Variants in CNTNAP3 observed in about 807,000 individuals in gnomAD.
The protein encoded by CNTNAP3 is contactin-associated protein-like 3.
In CNTNAP3, 36 loss-of-function variants were observed where a neutral mutation model predicts 92.1. That is an observed-to-expected ratio of 0.39 (90% CI 0.30 to 0.52). The LOEUF (loss-of-function observed/expected upper bound fraction) is 0.52, where lower values mean the gene tolerates loss of function less well. Among genes scored for constraint, CNTNAP3 ranks in the 20% least tolerant of loss-of-function variants. The pLI, the probability that CNTNAP3 is intolerant of heterozygous loss-of-function variation, is 0.76. For synonymous variants in CNTNAP3, 232 were observed against 422.3 expected, an observed-to-expected ratio of 0.55 and a Z score of 5.53; for missense variants, 534 against 1,069.6, an observed-to-expected ratio of 0.50 and a Z score of 6.98.
chr9:39,107,382 G>T (rs1156484609), intron 15 of CNTNAP3, among the ~76,000 whole-genome samples: 1 of 144,270 alleles, frequency 6.9e-6, no homozygotes, highest in African/African-American at 2.6e-5. Flanking sequence ...GGGAGAGAAA[G>T]AGGGAGGGAG....
At position 39,132,932 on chromosome 9, in the gene CNTNAP3, C is replaced by T; in HGVS notation, c.2080G>A (p.Asp694Asn). Residue 694 changes from aspartate to asparagine, a missense_variant and splice_region_variant, in exon 13 of 24, where the codon GAT (aspartate) becomes AAT (asparagine). Physicochemically the swap from Asp to Asn is conservative, Grantham distance 23. Coordinates refer to ENST00000297668, the MANE Select transcript of CNTNAP3 (RefSeq NM_033655.5). ...CGTARRPDSR[D>N]GTPLSWWVGR... is the part of the protein sequence containing the mutation. ...TGTAGCCTCCAGGAGTGGCGCTTACCTCGTGAGTCCGGGCGCCGCGCCGTC... is the reference window on the plus strand; with the variant it reads ...TGTAGCCTCCAGGAGTGGCGCTTACTTCGTGAGTCCGGGCGCCGCGCCGTC... 6.5e-7 allele frequency: 1 copy of T among 1,544,140 alleles called. No individual in the cohort carries two copies. The highest frequency in any genetic ancestry group is 8.7e-7 in the Non-Finnish European group (1 of 1,154,788).
intron 21 of CNTNAP3, 48 bp from the exon 22 acceptor site, chr9:39,078,968 G>C (rs1235965889): frequency 1.4e-6 from 2 of 1,423,018 alleles, no homozygotes; most frequent in South Asian, 2.6e-5. Flanking sequence ...GGCGGAGATG[G>C]GGGCGCAGGC....
At chr9:39,127,428 G>C (rs555719397) in intron 13 of CNTNAP3, among the ~76,000 whole-genome samples, 23 of 151,986 alleles carry the variant, frequency 1.5e-4, no homozygotes, top group Middle Eastern at 3.4e-3. Flanking sequence ...ACAAAGAGAA[G>C]AGCAGATTTC....
chr9:39,121,145 AAC>A (rs1428749774), intron 13 of CNTNAP3, among the ~76,000 whole-genome samples: 1 of 150,854 alleles, frequency 6.6e-6, no homozygotes, highest in Non-Finnish European at 1.5e-5. Context: ...GAAAAAAAAT[AAC>A]ACAACGAGAA....
chr9:39,135,309 G>A (rs894095798), intron 12 of CNTNAP3, among the ~76,000 whole-genome samples: 1 of 151,850 alleles, frequency 6.6e-6, no homozygotes, highest in Non-Finnish European at 1.5e-5. Context: ...GTCTCCCTCT[G>A]TTGCCCAGCT....
At chr9:39,115,693 T>G (rs1411037012) in intron 14 of CNTNAP3, among the ~76,000 whole-genome samples, 1 of 151,962 alleles carries the variant, frequency 6.6e-6, no homozygotes, top group Non-Finnish European at 1.5e-5. Context: ...TCTCCTAAAT[T>G]TTTTTCCAAA....
rs561574968 is a variant in CNTNAP3 at position 39,113,936 on chromosome 9, C to T, written c.2237+4167G>A. Among the ~76,000 whole-genome samples, 310 of 151,200 alleles carry T rather than the reference C, an allele frequency of 2.1e-3. 2 individuals carry two copies. Among genetic ancestry groups the T allele is most frequent in the African/African-American group, 7.3e-3 (300 of 41,168 alleles). ...TTCCACTGTTTTGGGTGTCAATTTG[C>T]CTTTGCATATTTGTTAATTCTCTCT... On this transcript the variant is annotated intron_variant, in intron 14 of 23. Transcript: ENST00000297668.
At chr9:39,099,647 AT>A (rs1295939140) in intron 18 of CNTNAP3, among the ~76,000 whole-genome samples, 1 of 152,190 alleles carries the variant, frequency 6.6e-6, no homozygotes, top group Non-Finnish European at 1.5e-5. Flanking sequence ...AAACCAAATT[AT>A]TTCAAGAGGA....
chr9:39,140,439 C>A lies in CNTNAP3; in HGVS notation c.1876+80G>T. 2.6e-6 allele frequency: 4 copies of A among 1,566,664 alleles called. No individual in the cohort carries two copies. In the South Asian group the frequency reaches 4.8e-5, roughly 19 times the overall value. ...TTAGCAAGTACACACTATCAAACTG[C>A]ATGTTTTAATAATGCTGCCAACTAG... On this transcript the variant is annotated intron_variant, in intron 12 of 23. Transcript: ENST00000297668.
At chr9:39,117,767 G>A (rs1820893108) in intron 14 of CNTNAP3, among the ~76,000 whole-genome samples, 1 of 152,170 alleles carries the variant, frequency 6.6e-6, no homozygotes, top group African/African-American at 2.4e-5. Flanking sequence ...GGAGGAATTT[G>A]CTTTTTGAAT....
chr9:39,072,860 A>C lies in CNTNAP3; in HGVS notation c.*1030T>G, dbSNP rs1825658781. ...CAAAAGCATATCAGTAACAACTTTT[A>C]GAAAAAGAAATGAATGATAAAGAAA... On this transcript the variant is annotated 3_prime_UTR_variant, in exon 24 of 24. Transcript: ENST00000297668. 1 of 152,954 alleles carries C rather than the reference A, an allele frequency of 6.5e-6. No individual in the cohort carries two copies. The highest frequency in any genetic ancestry group is 6.5e-5 in the Admixed American group (1 of 15,296). 9.5% of individuals were successfully genotyped at this position (152,954 alleles called of 1,614,324 possible).
chr9:39,132,671 C>T, intron 13 of CNTNAP3, among the ~76,000 whole-genome samples: 1 of 150,950 alleles, frequency 6.6e-6, no homozygotes, highest in South Asian at 2.1e-4. Flanking sequence ...CATAAGTTAT[C>T]AGCAAAATTT....
At chr9:39,110,747 T>A (rs1439495944) in intron 14 of CNTNAP3, among the ~76,000 whole-genome samples, 2 of 152,182 alleles carry the variant, frequency 1.3e-5, no homozygotes, top group African/African-American at 4.8e-5. Context: ...AATAAATATT[T>A]GGCCAATAAT....
chr9:39,070,140 C>T lies in CNTNAP3; in HGVS notation c.*3750G>A. 7.9e-6 allele frequency among the ~76,000 whole-genome samples: 1 copy of T among 126,298 alleles called. No individual in the cohort carries two copies. The highest frequency in any genetic ancestry group is 1.6e-5 in the Non-Finnish European group (1 of 61,492). The allele number at this position is 126,298 out of a possible 152,430, so 82.9% of individuals were successfully genotyped here. On this transcript the variant is annotated 3_prime_UTR_variant, in exon 24 of 24. Coordinates refer to ENST00000297668, the MANE Select transcript of CNTNAP3 (RefSeq NM_033655.5). ...CTAAGCAAATGGATCATTTGTTTGC[C>T]TTCCAGTTATACATGAAGAAATTAA...
chr9:39,146,338 A>T (rs1408175361), intron 10 of CNTNAP3, among the ~76,000 whole-genome samples: 1 of 152,098 alleles, frequency 6.6e-6, no homozygotes, highest in Admixed American at 6.5e-5. Context: ...GCCATGTGGT[A>T]TACAGGGCAA....
intron 21 of CNTNAP3, among the ~76,000 whole-genome samples, chr9:39,081,897 T>A (rs1297738797): frequency 1.4e-5 from 2 of 138,882 alleles, no homozygotes. Context: ...GCTAACACGG[T>A]GAAACCCCAT....
intron 14 of CNTNAP3, among the ~76,000 whole-genome samples, chr9:39,110,402 T>A (rs1257538620): frequency 6.6e-6 from 1 of 151,850 alleles, no homozygotes; most frequent in Non-Finnish European, 1.5e-5. Context: ...TCTCAAAAAA[T>A]ACAAAAAACA....
chr9:39,076,149 A>G (rs1384346950), intron 23 of CNTNAP3, among the ~76,000 whole-genome samples: 44 of 152,160 alleles, frequency 2.9e-4, no homozygotes, highest in African/African-American at 1.0e-3. Context: ...CAATCTTGCC[A>G]GTGATATTTG....
At chr9:39,137,351 T>G (rs1348995818) in intron 12 of CNTNAP3, among the ~76,000 whole-genome samples, 9 of 152,080 alleles carry the variant, frequency 5.9e-5, no homozygotes, top group Non-Finnish European at 2.9e-5. Context: ...CACTCCTTTT[T>G]GCTTCTTAGA....
Sources: allele counts gnomAD v4.1 joint callset (sites outside exome capture counted in the v4.1 genomes callset), GRCh38; gene constraint gnomAD v4.1.1; transcripts MANE v1.5; gene names NCBI Gene and HGNC (gene_info 2026-07-23, HGNC 2026-07-21).